The following BACH2 variants were observed in gnomAD, a reference collection of about 807,000 sequenced individuals.
BACH2 encodes the protein BACH transcriptional regulator 2, also known as transcription regulator protein BACH2.
BACH2 carries 5 observed loss-of-function variants against 61.8 expected under a neutral mutation model. That is an observed-to-expected ratio of 0.08 (90% confidence interval 0.04 to 0.17). BACH2 has a LOEUF of 0.17. BACH2 is among the 10% of genes least tolerant of loss of function. The pLI, the probability that BACH2 is intolerant of heterozygous loss-of-function variation, is 1.00. For synonymous variants in BACH2, 446 were observed against 440.1 expected (o/e 1.01, Z -0.17); for missense variants, 824 against 1,091.1 (o/e 0.76, Z 3.45).
intron 4 of BACH2, among the ~76,000 whole-genome samples, chr6:90,127,402 C>T (rs1783901010): frequency 6.6e-6 from 1 of 152,188 alleles, no homozygotes; most frequent in African/African-American, 2.4e-5. Context: ...CCTTCAAAGG[C>T]ATTTCCCTCT....
intron 6 of BACH2, among the ~76,000 whole-genome samples, chr6:89,977,447 T>TA (rs1273403557): frequency 1.3e-5 from 2 of 152,232 alleles, no homozygotes; most frequent in Admixed American, 6.5e-5. Flanking sequence ...TTGAACTGGG[T>TA]AAAAAAACAT....
At chr6:90,098,625 T>C (rs1782483044) in intron 4 of BACH2, among the ~76,000 whole-genome samples, 1 of 152,114 alleles carries the variant, frequency 6.6e-6, no homozygotes, top group African/African-American at 2.4e-5. Flanking sequence ...TAGCAAGAGC[T>C]CAAGGACCCT....
chr6:90,191,099 C>T (rs1488448527), intron 4 of BACH2, among the ~76,000 whole-genome samples: 2 of 152,236 alleles, frequency 1.3e-5, no homozygotes, highest in African/African-American at 4.8e-5. Context: ...TGCCTTCGGG[C>T]CAGGCCCATC....
chr6:90,277,625 C>T, intron 1 of BACH2, among the ~76,000 whole-genome samples: 1 of 152,244 alleles, frequency 6.6e-6, no homozygotes, highest in South Asian at 2.1e-4. Context: ...CATACTTTTC[C>T]CTATTTATAT....
chr6:89,954,129 A>G (rs1774279246), intron 6 of BACH2, among the ~76,000 whole-genome samples: 2 of 152,084 alleles, frequency 1.3e-5, no homozygotes, highest in South Asian at 4.1e-4. Context: ...AAATGGTGAA[A>G]TCAATGCAGA....
chr6:90,076,642 G>A (rs1187207654), intron 5 of BACH2, among the ~76,000 whole-genome samples: 11 of 152,130 alleles, frequency 7.2e-5, no homozygotes, highest in Non-Finnish European at 1.6e-4. Context: ...GTCTGTCTAA[G>A]TAATGTAATT....
intron 1 of BACH2, among the ~76,000 whole-genome samples, chr6:90,276,663 T>A (rs945487350): frequency 6.6e-6 from 1 of 152,188 alleles, no homozygotes; most frequent in African/African-American, 2.4e-5. Context: ...TTGAGAACCA[T>A]AGCTTGCATT....
At chr6:90,059,539 A>T (rs1348541574) in intron 5 of BACH2, among the ~76,000 whole-genome samples, 2 of 152,238 alleles carry the variant, frequency 1.3e-5, no homozygotes, top group African/African-American at 4.8e-5. Flanking sequence ...ACTGTAAACT[A>T]GTTCAACCAT....
intron 4 of BACH2, among the ~76,000 whole-genome samples, chr6:90,124,410 A>C (rs1783763673): frequency 6.6e-6 from 1 of 152,220 alleles, no homozygotes; most frequent in South Asian, 2.1e-4. Context: ...GTCTGTGTAC[A>C]CTTTAACCTG....
intron 5 of BACH2, among the ~76,000 whole-genome samples, chr6:90,009,092 C>T (rs547782615): frequency 1.3e-5 from 2 of 152,176 alleles, no homozygotes; most frequent in Admixed American, 6.5e-5. Flanking sequence ...TCCTACTTAC[C>T]GCATTCTTTT....
At chr6:90,171,162 G>A (rs1582445982) in intron 4 of BACH2, among the ~76,000 whole-genome samples, 1 of 152,114 alleles carries the variant, frequency 6.6e-6, no homozygotes, top group Non-Finnish European at 1.5e-5. Flanking sequence ...TGTAATCCCA[G>A]CACTTTGGGA....
At chr6:90,080,901 T>C in intron 5 of BACH2, 1 of 415,380 alleles carries the variant, frequency 2.4e-6, no homozygotes, top group Non-Finnish European at 3.2e-6. Flanking sequence ...CTTTTTTGGG[T>C]GATAGTCCAC....
intron 2 of BACH2, among the ~76,000 whole-genome samples, chr6:90,253,903 T>TA (rs1453296400): frequency 1.3e-5 from 2 of 152,136 alleles, no homozygotes; most frequent in Non-Finnish European, 2.9e-5. Context: ...CTATTTTTTT[T>TA]AAACTATCAT....
At chr6:89,938,791 G>C (rs925753239) in intron 7 of BACH2, among the ~76,000 whole-genome samples, 1 of 152,142 alleles carries the variant, frequency 6.6e-6, no homozygotes, top group Middle Eastern at 3.2e-3. Context: ...AAATGCTGGA[G>C]ACACAAAAAA....
chr6:90,103,033 T>TTA (rs1782743189), intron 4 of BACH2, among the ~76,000 whole-genome samples: 1 of 73,014 alleles, frequency 1.4e-5, no homozygotes, highest in African/African-American at 8.2e-5. Flanking sequence ...ATATATATTT[T>TTA]TTTTTTTTTT....
chr6:90,092,692 G>A lies in BACH2; in HGVS notation c.-161-3583C>T, dbSNP rs76638227. On this transcript the variant is annotated intron_variant, in intron 4 of 8. Coordinates refer to ENST00000257749, the MANE Select transcript of BACH2 (RefSeq NM_021813.4). ...GATATTAATCGCCATTTCATAGTTT[G>A]GAAAAGAACACAAGAAGATGTAACA... Among the ~76,000 whole-genome samples the A allele has an allele frequency of 2.3e-3, 343 of 152,056 alleles. 2 individuals carry two copies. Among genetic ancestry groups the A allele is most frequent in the African/African-American group, 7.7e-3 (320 of 41,480 alleles).
At position 90,103,006 on chromosome 6, in the gene BACH2, C is replaced by CAT. The variant is rs1250122835; in HGVS notation, c.-161-13899_-161-13898dup. On this transcript the variant is annotated intron_variant, in intron 4 of 8. Coordinates refer to ENST00000257749, the MANE Select transcript of BACH2 (RefSeq NM_021813.4). ...AAAAACTGCTAAATTTGACACAATA[C>CAT]ATATATATATATATATATATATATT... Among the ~76,000 whole-genome samples, 280 of 44,924 alleles carry CAT rather than the reference C, an allele frequency of 6.2e-3. 20 individuals carry two copies. The highest frequency in any genetic ancestry group is 8.8e-3 in the East Asian group (21 of 2,378). The allele number at this position is 44,924 out of a possible 152,430, so 29.5% of individuals were successfully genotyped here. A position where few individuals can be genotyped will look rare whatever the true frequency, so the allele number is the denominator to read the frequency against.
At chr6:90,215,521 A>G (rs1448168361) in intron 3 of BACH2, among the ~76,000 whole-genome samples, 2 of 152,124 alleles carry the variant, frequency 1.3e-5, no homozygotes, top group East Asian at 3.9e-4. Context: ...GAAAATATTT[A>G]ACCAATATAA....
intron 4 of BACH2, among the ~76,000 whole-genome samples, chr6:90,092,291 A>AAAAAAAAAATATATATATATATATAT: frequency 3.5e-5 from 4 of 113,842 alleles, no homozygotes; most frequent in African/African-American, 1.1e-4. Context: ...AAAAAAAAAA[A>AAAAAAAAAATATATATATATATATAT]ATATATATAT....
Sources: gnomAD v4.1 joint callset for allele counts (sites outside exome capture counted in the v4.1 genomes callset) on GRCh38, gnomAD v4.1.1 for gene constraint, MANE v1.5 for transcripts, NCBI Gene and HGNC (gene_info 2026-07-23, HGNC 2026-07-21) for gene names.